DERL1: variants seen among roughly 807,000 people sequenced by gnomAD.
DERL1 encodes the protein derlin-1.
DERL1 carries 24 observed loss-of-function variants against 41.6 expected under a neutral mutation model. That is an observed-to-expected ratio of 0.58 (90% confidence interval 0.42 to 0.81). The LOEUF (loss-of-function observed/expected upper bound fraction) is 0.81. Ranked by LOEUF, DERL1 falls within the 30% of genes least tolerant of loss-of-function variation. The probability of loss-of-function intolerance (pLI) is 0.00; values close to 1 mark genes in which losing one functional copy is unlikely to be tolerated. For missense variants in DERL1, 260 were observed against 314.3 expected, an observed-to-expected ratio of 0.83 and a Z score of 1.31; for synonymous variants, 124 against 112.5, an observed-to-expected ratio of 1.10 and a Z score of -0.65.
intron 2 of DERL1, 52 bp downstream of exon 2, chr8:123,030,553 G>T (rs1345247814): frequency 1.5e-6 from 2 of 1,301,168 alleles, no homozygotes; most frequent in Non-Finnish European, 1.1e-6. Context: ...GTAAACACAT[G>T]GATTAGTAAA....
At chr8:123,027,506 G>A (rs962196684) in intron 2 of DERL1, among the ~76,000 whole-genome samples, 6 of 152,116 alleles carry the variant, frequency 3.9e-5, no homozygotes, top group South Asian at 2.1e-4. Context: ...ACGTTGTACC[G>A]TACATGAATT....
At chr8:123,020,796 C>CA (rs59816749) in intron 6 of DERL1, among the ~76,000 whole-genome samples, 3 of 112,352 alleles carry the variant, frequency 2.7e-5, no homozygotes, top group African/African-American at 7.5e-5. Flanking sequence ...CTAAAAATCC[C>CA]AAAAAAAAAA....
intron 7 of DERL1, chr8:123,018,925 C>T (rs937814932): frequency 6.9e-6 from 3 of 433,434 alleles, no homozygotes; most frequent in Non-Finnish European, 1.2e-5. Flanking sequence ...TCAGGTCCCT[C>T]AGCAGGCTCA....
In DERL1 at chr8:123,042,048, C is replaced by CA. The variant is rs1813091075; in HGVS notation, c.74dup (p.Pro26AlafsTer62). 6.2e-7 allele frequency: 1 copy of CA among 1,613,852 alleles called. No homozygotes were observed. Among genetic ancestry groups the CA allele is most frequent in the Non-Finnish European group, 8.5e-7 (1 of 1,179,936 alleles). On this transcript the variant is annotated frameshift_variant, in exon 1 of 8. Transcript: ENST00000259512. LOFTEE classifies it high-confidence loss of function. ...TGAGGCCGAGTTTGCCGACCAAGGG[C>CA]ACGGCGACGGTGGCGGCGAACCAAT...
chr8:123,021,478 T>C lies in DERL1; in HGVS notation c.475A>G (p.Ile159Val). ...CCGATGATATAGTTGAATCCAAGGA[T>C]AACCCAGGGTAAATAGCAGGCCTAG... is the stretch of plus-strand genomic sequence containing the variant. ...RFKACYLPWV[I>V]LGFNYIIGGS... The change falls in exon 6 of 8, where the codon ATC becomes GTC. Residue 159 changes from isoleucine to valine, a missense_variant. Ile to Val is a conservative substitution (Grantham distance 29). Coordinates refer to ENST00000259512, the MANE Select transcript of DERL1 (RefSeq NM_024295.6). The C allele has an allele frequency of 1.2e-6, 2 of 1,613,930 alleles. No homozygotes were observed. Among genetic ancestry groups the C allele is most frequent in the South Asian group, 1.1e-5 (1 of 91,082 alleles).
intron 2 of DERL1, 32 bp downstream of exon 2, chr8:123,030,573 A>T (rs939962504): frequency 6.8e-6 from 10 of 1,460,806 alleles, no homozygotes; most frequent in Admixed American, 2.0e-5. Flanking sequence ...ATGAGAAAGA[A>T]ACAATGCTTA....
intron 1 of DERL1, among the ~76,000 whole-genome samples, chr8:123,037,047 T>A (rs975064874): frequency 6.6e-6 from 1 of 152,208 alleles, no homozygotes; most frequent in Non-Finnish European, 1.5e-5. Context: ...CATCCAGCAG[T>A]TACATTTCAA....
At chr8:123,027,146 T>C (rs915550481) in intron 2 of DERL1, among the ~76,000 whole-genome samples, 1 of 151,606 alleles carries the variant, frequency 6.6e-6, no homozygotes, top group Non-Finnish European at 1.5e-5. Flanking sequence ...ATACAAAAAT[T>C]AGCCAGATGT....
chr8:123,027,736 G>A (rs1812733998), intron 2 of DERL1, among the ~76,000 whole-genome samples: 1 of 152,118 alleles, frequency 6.6e-6, no homozygotes, highest in African/African-American at 2.4e-5. Flanking sequence ...TTGGGTAAAG[G>A]GATTCAAAGC....
At chr8:123,040,164 C>T (rs899500433) in intron 1 of DERL1, among the ~76,000 whole-genome samples, 2 of 152,064 alleles carry the variant, frequency 1.3e-5, no homozygotes, top group African/African-American at 4.8e-5. Context: ...TTGCAGTGAA[C>T]CAAGATTGCG....
intron 2 of DERL1, 81 bp from the exon 3 acceptor site, chr8:123,025,131 G>A: frequency 1.4e-6 from 2 of 1,445,334 alleles, no homozygotes; most frequent in Non-Finnish European, 9.3e-7. Context: ...ACTTCAAAAA[G>A]TTACAGAAAA....
At chr8:123,026,979 C>T (rs1324314508) in intron 2 of DERL1, among the ~76,000 whole-genome samples, 3 of 152,054 alleles carry the variant, frequency 2.0e-5, no homozygotes, top group Non-Finnish European at 4.4e-5. Flanking sequence ...GCCCAGAACA[C>T]GCAAATCTAA....
chr8:123,040,047 G>A (rs550933892), intron 1 of DERL1, among the ~76,000 whole-genome samples: 5 of 152,250 alleles, frequency 3.3e-5, no homozygotes, highest in East Asian at 1.9e-4. Flanking sequence ...GCGAAACCCC[G>A]TCTCTACTAA....
chr8:123,022,952 A>C (rs1437140182), intron 4 of DERL1, among the ~76,000 whole-genome samples, 173 bp from the exon 5 acceptor site: 1 of 152,250 alleles, frequency 6.6e-6, no homozygotes. Flanking sequence ...TAAATATTAC[A>C]AAATCCTATA....
intron 7 of DERL1, chr8:123,017,264 ACCT>A (rs1459691886): frequency 1.3e-5 from 2 of 152,036 alleles, no homozygotes; most frequent in African/African-American, 4.8e-5. Context: ...TCCTATACTC[ACCT>A]CCTCCATTTT....
chr8:123,036,458 G>A (rs979130079), intron 1 of DERL1, among the ~76,000 whole-genome samples: 2 of 152,208 alleles, frequency 1.3e-5, no homozygotes, highest in African/African-American at 4.8e-5. Flanking sequence ...CCCTTAGAGA[G>A]GACAGTGACC....
At chr8:123,016,198 T>C (rs935350144) in intron 7 of DERL1, 2 of 152,166 alleles carry the variant, frequency 1.3e-5, no homozygotes, top group African/African-American at 4.8e-5. Context: ...GGTTAGATGA[T>C]TTCCCACCTT....
chr8:123,020,301 G>A (rs1254431475), intron 6 of DERL1, among the ~76,000 whole-genome samples: 2 of 151,014 alleles, frequency 1.3e-5, no homozygotes, highest in East Asian at 4.0e-4. Context: ...GCAACACAGC[G>A]AAACCTCATC....
intron 4 of DERL1, among the ~76,000 whole-genome samples, chr8:123,023,501 G>A (rs1812613366): frequency 6.6e-6 from 1 of 152,128 alleles, no homozygotes; most frequent in Non-Finnish European, 1.5e-5. Context: ...GTTGCAGTGA[G>A]CCAAGATCAA....
Sources: allele counts gnomAD v4.1 joint callset (sites outside exome capture counted in the v4.1 genomes callset), GRCh38; gene constraint gnomAD v4.1.1; transcripts MANE v1.5; gene names NCBI Gene and HGNC (gene_info 2026-07-23, HGNC 2026-07-21).